SND1: variants seen among roughly 807,000 people sequenced by gnomAD.
SND1 encodes the protein staphylococcal nuclease and tudor domain containing 1.
Under a neutral mutation model 121.7 loss-of-function variants are expected in SND1, and 38 were observed. The observed-to-expected ratio is 0.31, with a 90% confidence interval of 0.24 to 0.41. SND1 has a LOEUF of 0.41. SND1 is among the 10% of genes least tolerant of loss of function. The pLI, the probability that SND1 is intolerant of heterozygous loss-of-function variation, is 1.00. For missense variants in SND1, 868 were observed against 1,184.6 expected (o/e 0.73, Z 3.92); for synonymous variants, 401 against 447.4 (o/e 0.90, Z 1.31).
intron 14 of SND1, among the ~76,000 whole-genome samples, chr7:127,922,906 T>C (rs1171896729): frequency 2.0e-5 from 3 of 152,218 alleles, no homozygotes; most frequent in South Asian, 2.1e-4. Flanking sequence ...GTTTCTCCTA[T>C]GTTCAACATG....
intron 13 of SND1, among the ~76,000 whole-genome samples, chr7:127,894,709 C>T (rs1584647824): frequency 2.0e-5 from 3 of 151,634 alleles, no homozygotes; most frequent in African/African-American, 7.3e-5. Flanking sequence ...ATGGGTTAAT[C>T]AGTTCTCCAA....
At chr7:127,994,579 A>G (rs888624898) in intron 16 of SND1, among the ~76,000 whole-genome samples, 1 of 136,608 alleles carries the variant, frequency 7.3e-6, no homozygotes, top group South Asian at 2.4e-4. Flanking sequence ...AAAAAAAAAA[A>G]AAAAAACAGT....
intron 12 of SND1, among the ~76,000 whole-genome samples, chr7:127,876,443 T>C (rs1799692373): frequency 6.6e-6 from 1 of 152,154 alleles, no homozygotes; most frequent in South Asian, 2.1e-4. Flanking sequence ...AGTTCAGAGA[T>C]TTTTATACAG....
chr7:127,910,317 A>C (rs1262836100), intron 14 of SND1, among the ~76,000 whole-genome samples: 1 of 151,930 alleles, frequency 6.6e-6, no homozygotes, highest in African/African-American at 2.4e-5. Flanking sequence ...GGTCGCGGGC[A>C]CCTGTAATCC....
chr7:127,732,459 T>A (rs1319061892), intron 10 of SND1, among the ~76,000 whole-genome samples: 1 of 152,226 alleles, frequency 6.6e-6, no homozygotes, highest in East Asian at 1.9e-4. Flanking sequence ...TGCCCTTGTC[T>A]TGTGTTGTTC....
intron 15 of SND1, among the ~76,000 whole-genome samples, chr7:127,932,626 T>C (rs7788592): frequency 0.065 from 9,909 of 152,232 alleles, 420 homozygotes; most frequent in Middle Eastern, 0.19. Context: ...TACAGAGAAA[T>C]ACTTTGTGAA....
At chr7:127,718,657 C>A (rs1796433614) in intron 9 of SND1, 2 of 985,200 alleles carry the variant, frequency 2.0e-6, no homozygotes, top group Non-Finnish European at 2.4e-6. Context: ...TCTAAGAATT[C>A]ATTGCTGCCG....
At chr7:127,787,614 G>A (rs1797834986) in intron 10 of SND1, among the ~76,000 whole-genome samples, 1 of 152,200 alleles carries the variant, frequency 6.6e-6, no homozygotes, top group Non-Finnish European at 1.5e-5. Context: ...GCTGCCTGCA[G>A]ATACAGAGGA....
intron 12 of SND1, among the ~76,000 whole-genome samples, chr7:127,851,748 C>T (rs1459451073): frequency 6.6e-6 from 1 of 152,158 alleles, no homozygotes; most frequent in East Asian, 1.9e-4. Context: ...ATTTTTCTTT[C>T]AGCATTTATA....
intron 8 of SND1, among the ~76,000 whole-genome samples, chr7:127,705,432 C>G (rs1255669235): frequency 6.6e-6 from 1 of 152,222 alleles, no homozygotes; most frequent in East Asian, 1.9e-4. Flanking sequence ...CAGTTATAAA[C>G]ACTAATATAA....
At chr7:127,699,015 A>G (rs1796056113) in intron 4 of SND1, 62 bp downstream of exon 4, 1 of 1,367,170 alleles carries the variant, frequency 7.3e-7, no homozygotes. Context: ...TGCATTTTTC[A>G]TTCTTGCCCC....
At chr7:127,780,949 A>G (rs1305675749) in intron 10 of SND1, among the ~76,000 whole-genome samples, 1 of 152,234 alleles carries the variant, frequency 6.6e-6, no homozygotes, top group Non-Finnish European at 1.5e-5. Flanking sequence ...CTCAAGTTTT[A>G]TGACCTCTTT....
chr7:127,784,776 G>C (rs1291780199), intron 10 of SND1, among the ~76,000 whole-genome samples: 1 of 152,074 alleles, frequency 6.6e-6, no homozygotes, highest in East Asian at 1.9e-4. Flanking sequence ...AATATAAAAA[G>C]GTTTTATTTA....
chr7:127,992,285 C>T (rs1802540188), intron 16 of SND1, among the ~76,000 whole-genome samples: 1 of 152,156 alleles, frequency 6.6e-6, no homozygotes, highest in Admixed American at 6.5e-5. Flanking sequence ...TGTAGTTACA[C>T]AATGCTGCCT....
At chr7:128,027,646 C>T (rs1179640814) in intron 16 of SND1, 3 of 152,182 alleles carry the variant, frequency 2.0e-5, no homozygotes, top group Non-Finnish European at 2.9e-5. Flanking sequence ...GGCTTCTCCT[C>T]CCTCTCCACC....
chr7:127,674,163 T>C (rs1160036687), intron 1 of SND1, among the ~76,000 whole-genome samples: 2 of 151,986 alleles, frequency 1.3e-5, no homozygotes, highest in Non-Finnish European at 2.9e-5. Flanking sequence ...CCTCCTTCCG[T>C]CCCCACTTGC....
intron 13 of SND1, among the ~76,000 whole-genome samples, chr7:127,893,905 C>T (rs1800064792): frequency 6.6e-6 from 1 of 152,040 alleles, no homozygotes; most frequent in Admixed American, 6.6e-5. Context: ...GCACTCCAGC[C>T]TTGCTGTGTT....
intron 16 of SND1, among the ~76,000 whole-genome samples, chr7:128,022,219 A>G (rs914495389): frequency 1.3e-5 from 2 of 151,586 alleles, no homozygotes; most frequent in African/African-American, 4.8e-5. Flanking sequence ...AAAAAAAAAA[A>G]AAAAAAAAGA....
intron 16 of SND1, among the ~76,000 whole-genome samples, chr7:128,071,903 C>T (rs1793419333): frequency 6.6e-6 from 1 of 152,218 alleles, no homozygotes; most frequent in African/African-American, 2.4e-5. Context: ...TTTCTTTCAT[C>T]TGCGGCTGGC....
Sources: allele counts gnomAD v4.1 joint callset (sites outside exome capture counted in the v4.1 genomes callset), GRCh38; gene constraint gnomAD v4.1.1; transcripts MANE v1.5; gene names NCBI Gene and HGNC (gene_info 2026-07-23, HGNC 2026-07-21).